The following SLC6A11 variants were observed in gnomAD, a reference collection of about 807,000 sequenced individuals.
SLC6A11 encodes the protein sodium- and chloride-dependent GABA transporter 3.
In SLC6A11, 25 loss-of-function variants were observed where a neutral mutation model predicts 74.8. The ratio of observed to expected loss-of-function variants is 0.33; its 90% CI spans 0.24 to 0.47. The LOEUF (loss-of-function observed/expected upper bound fraction) is 0.47. Among genes scored for constraint, SLC6A11 ranks in the 20% least tolerant of loss-of-function variants. The probability of loss-of-function intolerance (pLI) is 1.00; values close to 1 mark genes in which losing one functional copy is unlikely to be tolerated. For synonymous variants in SLC6A11, 330 were observed against 330.2 expected (o/e 1.00, Z 0.01); for missense variants, 574 against 837.0 (o/e 0.69, Z 3.88).
At chr3:10,888,305 G>A (rs191025686) in intron 6 of SLC6A11, among the ~76,000 whole-genome samples, 6 of 152,308 alleles carry the variant, frequency 3.9e-5, no homozygotes, top group East Asian at 3.9e-4. Context: ...AAGGGCAAGC[G>A]AATAGAATGA....
chr3:10,865,167 A>G (rs969209843), intron 5 of SLC6A11, among the ~76,000 whole-genome samples: 1 of 152,272 alleles, frequency 6.6e-6, no homozygotes, highest in Admixed American at 6.5e-5. Flanking sequence ...AGCTGTCTTC[A>G]TGTCAGATGC....
At chr3:10,839,482 C>G (rs1240999822) in intron 4 of SLC6A11, among the ~76,000 whole-genome samples, 1 of 152,186 alleles carries the variant, frequency 6.6e-6, no homozygotes, top group Non-Finnish European at 1.5e-5. Context: ...CTCCCTCTGC[C>G]TTGAGGATAC....
rs1695484341 is a variant in SLC6A11, at chr3:10,918,190, A to G, written c.996-139A>G. On this transcript the variant is annotated intron_variant, in intron 7 of 13. Coordinates refer to ENST00000254488, the MANE Select transcript of SLC6A11 (RefSeq NM_014229.3). The surrounding 1 kb of genome is among the most constrained non-coding windows in gnomAD (Gnocchi z 4.5). The stretch of plus-strand genomic sequence containing the variant: ...AACCTCTCTGAACCATGAGTGCTCC[A>G]TCAGAAAAACAGAGCTCCCTGTGCC... 1.1e-6 allele frequency: 1 copy of G among 898,342 alleles called. No homozygotes were observed. The highest frequency in any genetic ancestry group is 1.6e-6 in the Non-Finnish European group (1 of 634,478). The allele number at this position is 898,342 out of a possible 1,614,324, so 55.6% of individuals were successfully genotyped here. A position where few individuals can be genotyped will look rare whatever the true frequency, so the allele number is the denominator to read the frequency against.
chr3:10,852,930 A>G (rs1694594168), intron 5 of SLC6A11, among the ~76,000 whole-genome samples: 1 of 152,192 alleles, frequency 6.6e-6, no homozygotes, highest in African/African-American at 2.4e-5. Flanking sequence ...TGAGGCACAG[A>G]TGGTGGCCAA....
At chr3:10,883,817 C>T (rs1044611477) in intron 6 of SLC6A11, among the ~76,000 whole-genome samples, 1 of 152,044 alleles carries the variant, frequency 6.6e-6, no homozygotes, top group Non-Finnish European at 1.5e-5. Context: ...ACATTATATA[C>T]GGTTTTGAAA....
intron 6 of SLC6A11, among the ~76,000 whole-genome samples, chr3:10,885,598 A>T (rs1297561131): frequency 1.8e-5 from 1 of 55,332 alleles, no homozygotes; most frequent in Non-Finnish European, 2.8e-5. Flanking sequence ...CCCCCATGAT[A>T]AAAAAAAAAA....
At chr3:10,898,963 T>A (rs1228204473) in intron 6 of SLC6A11, among the ~76,000 whole-genome samples, 1 of 152,166 alleles carries the variant, frequency 6.6e-6, no homozygotes, top group East Asian at 1.9e-4. Context: ...ATGAAAGGCA[T>A]GTCTCACATG....
intron 6 of SLC6A11, among the ~76,000 whole-genome samples, chr3:10,904,333 A>G (rs1411444847): frequency 1.3e-5 from 2 of 152,202 alleles, no homozygotes; most frequent in African/African-American, 4.8e-5. Flanking sequence ...CACTGGAACC[A>G]GTGGCCTTGA....
rs772554651 is a variant in SLC6A11 at position 10,935,207 on chromosome 3, C to T, written c.1746+8C>T. The T allele has an allele frequency of 2.0e-5, 32 of 1,613,518 alleles. No homozygotes were observed. The highest frequency in any genetic ancestry group is 1.3e-4 in the East Asian group (6 of 44,888). On this transcript the variant is annotated splice_region_variant and intron_variant, in intron 13 of 13. Coordinates refer to ENST00000254488, the MANE Select transcript of SLC6A11 (RefSeq NM_014229.3). ...GAGGGGACACTGCCCGAGGTGAGACCGCCCCAGGAGGGCTGGTGCGTTTGG... is the reference window on the plus strand; with the variant it reads ...GAGGGGACACTGCCCGAGGTGAGACTGCCCCAGGAGGGCTGGTGCGTTTGG...
rs768552343 is a variant in SLC6A11 at position 10,823,410 on chromosome 3, TGTC to T, written c.623+19_623+21del. 6.5e-7 allele frequency: 1 copy of T among 1,540,662 alleles called. No individual in the cohort carries two copies. The highest frequency in any genetic ancestry group is 1.7e-5 in the Admixed American group (1 of 59,924). Reference sequence around the variant, plus strand: ...TTTTGGGAGTAAGTGGAGAAGAACTTGTCTCCCTTGGCCTGTGGGGGCTCTGTC... The same window carrying T: ...TTTTGGGAGTAAGTGGAGAAGAACTTTCCCTTGGCCTGTGGGGGCTCTGTC... On this transcript the variant is annotated intron_variant, in intron 4 of 13. Coordinates refer to ENST00000254488, the MANE Select transcript of SLC6A11 (RefSeq NM_014229.3).
intron 6 of SLC6A11, among the ~76,000 whole-genome samples, chr3:10,899,264 G>A (rs1284637655): frequency 2.0e-5 from 3 of 152,154 alleles, no homozygotes; most frequent in Admixed American, 1.3e-4. Context: ...CCCAGGACTG[G>A]AGTTCTCAGC....
At chr3:10,874,337 A>G (rs1694882452) in intron 5 of SLC6A11, among the ~76,000 whole-genome samples, 1 of 152,230 alleles carries the variant, frequency 6.6e-6, no homozygotes, top group Non-Finnish European at 1.5e-5. Flanking sequence ...TCTCAAGCAC[A>G]TCACGGGCAC....
chr3:10,840,270 C>T (rs566050810), intron 4 of SLC6A11, among the ~76,000 whole-genome samples: 3 of 152,354 alleles, frequency 2.0e-5, no homozygotes, highest in African/African-American at 7.2e-5. Flanking sequence ...GTGTTCTCCC[C>T]AGCCTCCTGG....
At chr3:10,874,672 C>G (rs1273581738) in intron 5 of SLC6A11, among the ~76,000 whole-genome samples, 1 of 152,112 alleles carries the variant, frequency 6.6e-6, no homozygotes, top group East Asian at 1.9e-4. Context: ...AGTGATGCCC[C>G]ATTTCCCCCC....
At chr3:10,934,955 T>C in intron 12 of SLC6A11, 74 bp from the exon 13 acceptor site, 3 of 1,341,510 alleles carry the variant, frequency 2.2e-6, no homozygotes, top group Non-Finnish European at 2.1e-6. Flanking sequence ...AGTCTGTTCC[T>C]GGGCCTCAGA....
Position 10,939,132 on chromosome 3 carries a change from T to A in SLC6A11, c.*730T>A, listed in dbSNP as rs1340822101. 1 of 152,258 alleles carries A rather than the reference T, an allele frequency of 6.6e-6. No individual in the cohort carries two copies. The highest frequency in any genetic ancestry group is 2.4e-5 in the African/African-American group (1 of 41,464). 9.4% of individuals were successfully genotyped at this position (152,258 alleles called of 1,614,324 possible). A position where few individuals can be genotyped will look rare whatever the true frequency, so the allele number is the denominator to read the frequency against. On this transcript the variant is annotated 3_prime_UTR_variant, in exon 14 of 14. Coordinates refer to ENST00000254488, the MANE Select transcript of SLC6A11 (RefSeq NM_014229.3). ...TGGACCTTGGCTTCCTCTGAAGACT[T>A]GCAGGCAATAATCTCCGCCCTCCCA...
intron 5 of SLC6A11, among the ~76,000 whole-genome samples, chr3:10,857,313 T>C (rs1277160177): frequency 6.6e-6 from 1 of 151,958 alleles, no homozygotes; most frequent in Non-Finnish European, 1.5e-5. Context: ...GCTATAGGGG[T>C]TGGGAAGCCA....
At chr3:10,869,509 G>A (rs1694804620) in intron 5 of SLC6A11, among the ~76,000 whole-genome samples, 1 of 152,238 alleles carries the variant, frequency 6.6e-6, no homozygotes, top group Non-Finnish European at 1.5e-5. Flanking sequence ...CGTCTTGGGT[G>A]GCCGAGGAGC....
chr3:10,921,325 G>A (rs1470193850), intron 8 of SLC6A11, among the ~76,000 whole-genome samples: 1 of 152,198 alleles, frequency 6.6e-6, no homozygotes, highest in Non-Finnish European at 1.5e-5. Context: ...AGGTCCTGAG[G>A]TCTGTTTTAG....
Sources: gnomAD v4.1 joint callset for allele counts (sites outside exome capture counted in the v4.1 genomes callset) on GRCh38, gnomAD v4.1.1 for gene constraint, Gnocchi (gnomAD v3.1) non-coding constraint, MANE v1.5 for transcripts, NCBI Gene and HGNC (gene_info 2026-07-23, HGNC 2026-07-21) for gene names.